The following TMEM43 variants were observed in gnomAD, a reference collection of about 807,000 sequenced individuals.
TMEM43 encodes the protein transmembrane protein 43.
Under a neutral mutation model 49.6 loss-of-function variants are expected in TMEM43, and 45 were observed. The ratio of observed to expected loss-of-function variants is 0.91; its 90% CI spans 0.71 to 1.16. The LOEUF is 1.16. Among genes scored for constraint, TMEM43 ranks in the 50% most tolerant of loss-of-function variants. The pLI is 0.00. For missense variants in TMEM43, 532 were observed against 516.6 expected, an observed-to-expected ratio of 1.03 and a Z score of -0.29; for synonymous variants, 199 against 207.8, an observed-to-expected ratio of 0.96 and a Z score of 0.36.
In TMEM43 at chr3:14,136,844, G is replaced by A. The variant is rs553701378; in HGVS notation, c.882+936G>A. ...CCTACCCCGGGTCCCAAGGAGAAGG[G>A]GTGCCAAGATGTGCTGATTAGTTCA... On this transcript the variant is annotated intron_variant, in intron 10 of 11. Transcript: ENST00000306077. 4.0e-5 allele frequency among the ~76,000 whole-genome samples: 6 copies of A among 149,044 alleles called. 1 individual carries two copies. Among genetic ancestry groups the A allele is most frequent in the African/African-American group, 1.5e-4 (6 of 39,608 alleles).
chr3:14,142,050 T>G lies in TMEM43; in HGVS notation c.*255T>G. ...GCTCATGAATGGCAAGCTGACAGCT[T>G]CTCCTGCTGTTTCCTTCCTCTCTTG... is the stretch of plus-strand genomic sequence containing the variant. On this transcript the variant is annotated 3_prime_UTR_variant, in exon 12 of 12. Transcript: ENST00000306077. 1.8e-6 allele frequency: 1 copy of G among 548,090 alleles called. No homozygotes were observed. The highest frequency in any genetic ancestry group is 2.1e-5 in the South Asian group (1 of 48,114). 34.0% of individuals were successfully genotyped at this position (548,090 alleles called of 1,614,324 possible). A position where few individuals can be genotyped will look rare whatever the true frequency, so the allele number is the denominator to read the frequency against.
Position 14,134,808 on chromosome 3 carries a change from C to T in TMEM43, c.622C>T (p.Leu208=), listed in dbSNP as rs1246435835. Residue 208 remains leucine (L), a synonymous_variant, in exon 8 of 12, where the codon CTA becomes TTA. Coordinates refer to ENST00000306077, the MANE Select transcript of TMEM43 (RefSeq NM_024334.3). Reference sequence around the variant, plus strand: ...AGTCGACAACTTCAAGTCCCTGAGCCTATCCAAGCTGGAGGACCCTCATGT... The same window carrying T: ...AGTCGACAACTTCAAGTCCCTGAGCTTATCCAAGCTGGAGGACCCTCATGT... ...DKVDNFKSLS[L]SKLEDPHVDI... is the part of the protein sequence containing the mutation. The T allele has an allele frequency of 1.2e-6, 2 of 1,614,188 alleles. No homozygotes were observed. The highest frequency in any genetic ancestry group is 1.7e-6 in the Non-Finnish European group (2 of 1,180,010).
intron 10 of TMEM43, among the ~76,000 whole-genome samples, chr3:14,136,954 T>C (rs1695178329): frequency 6.7e-6 from 1 of 149,622 alleles, no homozygotes; most frequent in South Asian, 2.1e-4. Flanking sequence ...AGTTTTTCTG[T>C]TGTTGATGAA....
At chr3:14,129,679 G>C (rs1308388417) in intron 2 of TMEM43, 118 bp downstream of exon 2, 2 of 1,106,916 alleles carry the variant, frequency 1.8e-6, no homozygotes, top group Non-Finnish European at 2.7e-6. Context: ...AAAAGAGAAA[G>C]GAGGATACTG....
chr3:14,136,835 A>G (rs1194194211), intron 10 of TMEM43, among the ~76,000 whole-genome samples: 2 of 148,948 alleles, frequency 1.3e-5, no homozygotes, highest in African/African-American at 5.1e-5. Context: ...CCGGGTCCCA[A>G]GGAGAAGGGG....
chr3:14,128,431 C>G (rs1695046823), intron 1 of TMEM43, among the ~76,000 whole-genome samples: 1 of 152,188 alleles, frequency 6.6e-6, no homozygotes, highest in African/African-American at 2.4e-5. Context: ...ATACGGTTCT[C>G]CCTTTAGGGA....
intron 10 of TMEM43, among the ~76,000 whole-genome samples, chr3:14,136,705 G>T (rs887510204): frequency 1.5e-5 from 2 of 136,266 alleles, no homozygotes; most frequent in African/African-American, 3.1e-5. Flanking sequence ...GAGGGAGTGG[G>T]TGGGGGGGCT....
chr3:14,134,394 C>CGCTTTCT (rs1695139704), intron 7 of TMEM43, among the ~76,000 whole-genome samples: 1 of 152,148 alleles, frequency 6.6e-6, no homozygotes, highest in Non-Finnish European at 1.5e-5. Flanking sequence ...CTGGCCTGGC[C>CGCTTTCT]GCTTTCTGTG....
intron 1 of TMEM43, among the ~76,000 whole-genome samples, chr3:14,128,584 G>A (rs1382400386): frequency 6.6e-6 from 1 of 152,216 alleles, no homozygotes; most frequent in Non-Finnish European, 1.5e-5. Context: ...GTTTATGGTT[G>A]TGACCTCACT....
chr3:14,134,368 C>A (rs570525058), intron 7 of TMEM43, among the ~76,000 whole-genome samples: 2 of 152,346 alleles, frequency 1.3e-5, no homozygotes, highest in African/African-American at 4.8e-5. Context: ...CCTGGGGAGG[C>A]TGGATGATCC....
At position 14,125,097 on chromosome 3, in the gene TMEM43, C is replaced by G. The variant is rs1694998412; in HGVS notation, c.-97C>G. 5 of 1,527,772 alleles carry G rather than the reference C, an allele frequency of 3.3e-6. No individual in the cohort carries two copies. The highest frequency in any genetic ancestry group is 1.2e-5 in the South Asian group (1 of 85,636). The allele number at this position is 1,527,772 out of a possible 1,614,324, so 94.6% of individuals were successfully genotyped here. On this transcript the variant is annotated 5_prime_UTR_variant, in exon 1 of 12. Coordinates refer to ENST00000306077, the MANE Select transcript of TMEM43 (RefSeq NM_024334.3). ...CTGGAGTCCACGCGGATTTTCGAAG[C>G]TGGGGCTGGCAAGAGGCCGCTGGAC...
At position 14,142,498 on chromosome 3, in the gene TMEM43, C is replaced by CT. The variant is rs1695263430; in HGVS notation, c.*706dup. The CT allele has an allele frequency of 6.5e-6, 1 of 152,678 alleles. No homozygotes were observed. The highest frequency in any genetic ancestry group is 1.5e-5 in the Non-Finnish European group (1 of 68,064). 9.5% of individuals were successfully genotyped at this position (152,678 alleles called of 1,614,324 possible). ...GCCCTATTTAAGTTTTTCTTCGTTA[C>CT]TTTGCTGCTTCATGTGTACTTTCCT... On this transcript the variant is annotated 3_prime_UTR_variant, in exon 12 of 12. Transcript: ENST00000306077.
At chr3:14,136,761 G>T (rs1464103394) in intron 10 of TMEM43, among the ~76,000 whole-genome samples, 1 of 149,938 alleles carries the variant, frequency 6.7e-6, no homozygotes, top group African/African-American at 2.5e-5. Flanking sequence ...GGCGGGGAAG[G>T]GTTTTGGGCC....
intron 10 of TMEM43, 86 bp from the exon 11 acceptor site, chr3:14,139,094 T>G: frequency 1.0e-6 from 1 of 958,384 alleles, no homozygotes; most frequent in South Asian, 1.3e-5. Context: ...GCTCCCGAGT[T>G]GGTACAGCCC....
chr3:14,127,419 C>T (rs1460586674), intron 1 of TMEM43, among the ~76,000 whole-genome samples: 1 of 152,208 alleles, frequency 6.6e-6, no homozygotes, highest in Non-Finnish European at 1.5e-5. Context: ...TTTCCTATTG[C>T]TGCCTGCAGC....
At chr3:14,132,839 T>C (rs2124989086) in intron 5 of TMEM43, 27 bp from the exon 6 acceptor site, 3 of 1,612,294 alleles carry the variant, frequency 1.9e-6, no homozygotes, top group African/African-American at 1.3e-5. Context: ...CTACCCGGGC[T>C]CTGAGTTGAT....
chr3:14,130,741 C>T, intron 2 of TMEM43, 81 bp from the exon 3 acceptor site: 1 of 1,537,518 alleles, frequency 6.5e-7, no homozygotes, highest in Non-Finnish European at 8.8e-7. Flanking sequence ...AGGCCCCATC[C>T]TACCCTAATA....
chr3:14,128,978 A>G (rs1433874658), intron 1 of TMEM43: 1 of 456,474 alleles, frequency 2.2e-6, no homozygotes, highest in Non-Finnish European at 4.4e-6. Context: ...ACACCACAAC[A>G]TGAATGAATT....
chr3:14,136,218 A>G (rs1226670521), intron 10 of TMEM43, among the ~76,000 whole-genome samples: 1 of 152,242 alleles, frequency 6.6e-6, no homozygotes, highest in Non-Finnish European at 1.5e-5. Flanking sequence ...GTGATTTTAT[A>G]CAATGCAACC....
Sources: gnomAD v4.1 joint callset for allele counts (sites outside exome capture counted in the v4.1 genomes callset) on GRCh38, gnomAD v4.1.1 for gene constraint, MANE v1.5 for transcripts, NCBI Gene and HGNC (gene_info 2026-07-23, HGNC 2026-07-21) for gene names.